Variants in AMD1 observed in about 807,000 individuals in gnomAD.
AMD1 encodes adenosylmethionine decarboxylase 1, also known as S-adenosylmethionine decarboxylase proenzyme.
A neutral mutation model predicts 40.2 loss-of-function variants in AMD1; 11 were observed. The ratio of observed to expected loss-of-function variants is 0.27; its 90% CI spans 0.17 to 0.45. AMD1 has a LOEUF of 0.45. AMD1 is among the 20% of genes least tolerant of loss of function. The pLI, the probability that AMD1 is intolerant of heterozygous loss-of-function variation, is 1.00. For missense variants in AMD1, 257 were observed against 410.2 expected, an observed-to-expected ratio of 0.63 and a Z score of 3.23; for synonymous variants, 121 against 130.8, an observed-to-expected ratio of 0.93 and a Z score of 0.51.
At chr6:110,841,819 T>A in the AMD1 span, among the ~76,000 whole-genome samples, 638 of 151,816 alleles carry the variant, frequency 4.2e-3, 6 homozygotes, top group African/African-American at 0.014. Context: ...TTATTTATTT[T>A]TTAGATGGAG....
chr6:110,830,993 T>C, the AMD1 span, among the ~76,000 whole-genome samples: 1 of 152,140 alleles, frequency 6.6e-6, no homozygotes, highest in Non-Finnish European at 1.5e-5. Context: ...TCTTGGAGAC[T>C]TAATGTTTCA....
At chr6:110,815,172 G>A in the AMD1 span, 3 of 1,553,396 alleles carry the variant, frequency 1.9e-6, no homozygotes, top group South Asian at 1.2e-5. Flanking sequence ...GGACGCGGGG[G>A]CCGCCGCCGC....
intron 4 of AMD1, chr6:110,891,715 T>A: frequency 1.1e-5 from 2 of 177,222 alleles, no homozygotes; most frequent in South Asian, 1.2e-4. Context: ...TCTGGGAATT[T>A]ACCTACTGTT....
the AMD1 span, among the ~76,000 whole-genome samples, chr6:110,848,207 G>A: frequency 6.6e-6 from 1 of 151,848 alleles, no homozygotes; most frequent in Admixed American, 6.6e-5. Context: ...TGTCTAATGT[G>A]ATAATAAAGA....
chr6:110,815,449 G>A, the AMD1 span: 1 of 236,196 alleles, frequency 4.2e-6, no homozygotes, highest in African/African-American at 2.3e-5. Flanking sequence ...TGGCTTCCTC[G>A]AGCTCATTAG....
chr6:110,831,048 G>A, the AMD1 span, among the ~76,000 whole-genome samples: 1 of 152,054 alleles, frequency 6.6e-6, no homozygotes, highest in African/African-American at 2.4e-5. Flanking sequence ...GTTTTGCTCT[G>A]TTATTTTCTC....
At chr6:110,818,653 G>A in the AMD1 span, among the ~76,000 whole-genome samples, 3 of 152,244 alleles carry the variant, frequency 2.0e-5, no homozygotes, top group Non-Finnish European at 4.4e-5. Context: ...TGATTCTCCT[G>A]TCTCAGCCTC....
At chr6:110,854,084 T>C in the AMD1 span, among the ~76,000 whole-genome samples, 1 of 152,158 alleles carries the variant, frequency 6.6e-6, no homozygotes, top group Non-Finnish European at 1.5e-5. Flanking sequence ...GTAGATGGCT[T>C]TTGGTTTTGG....
chr6:110,824,008 G>A, the AMD1 span, among the ~76,000 whole-genome samples: 1 of 152,126 alleles, frequency 6.6e-6, no homozygotes, highest in African/African-American at 2.4e-5. Flanking sequence ...AAACAGTATG[G>A]AGAATTCTCA....
At chr6:110,892,114 A>G (rs1008233573) in intron 4 of AMD1, 47 bp from the exon 5 acceptor site, 7 of 1,595,642 alleles carry the variant, frequency 4.4e-6, no homozygotes, top group Admixed American at 1.7e-5. Context: ...AAACCATCCT[A>G]TTAAATGGAT....
chr6:110,826,971 C>T, the AMD1 span, among the ~76,000 whole-genome samples: 6 of 152,236 alleles, frequency 3.9e-5, no homozygotes, highest in South Asian at 1.2e-3. Context: ...GGATTACAGG[C>T]CTGAGCCACT....
At chr6:110,843,294 T>A in the AMD1 span, among the ~76,000 whole-genome samples, 1 of 150,954 alleles carries the variant, frequency 6.6e-6, no homozygotes, top group Non-Finnish European at 1.5e-5. Flanking sequence ...GAAACCCACC[T>A]CTACTAAAAA....
chr6:110,822,165 C>T, the AMD1 span, among the ~76,000 whole-genome samples: 16 of 151,986 alleles, frequency 1.1e-4, no homozygotes, highest in Non-Finnish European at 2.2e-4. Context: ...GAGATCACAC[C>T]ACTACACTGT....
chr6:110,842,593 A>G, the AMD1 span, among the ~76,000 whole-genome samples: 4 of 152,186 alleles, frequency 2.6e-5, no homozygotes, highest in African/African-American at 9.6e-5. Context: ...TAATAGTAGT[A>G]GTAGTCGTTT....
chr6:110,883,758 A>AT lies in AMD1; in HGVS notation c.111-3733dup, dbSNP rs1309977819. Among the ~76,000 whole-genome samples, 668 of 146,232 alleles carry AT rather than the reference A, an allele frequency of 4.6e-3. 4 individuals carry two copies. Among genetic ancestry groups the AT allele is most frequent in the African/African-American group, 0.012 (468 of 40,056 alleles). On this transcript the variant is annotated intron_variant, in intron 1 of 8. Transcript: ENST00000368885. The stretch of plus-strand genomic sequence containing the variant: ...AGGTGCCCGCCACCATGCCCAGCTA[A>AT]TTTTTTTTTTTTTTATTTTTAGTAG...
chr6:110,833,231 A>G, the AMD1 span, among the ~76,000 whole-genome samples: 1 of 152,220 alleles, frequency 6.6e-6, no homozygotes, highest in Non-Finnish European at 1.5e-5. Context: ...TACTCCATAG[A>G]CATTCATAAT....
At chr6:110,862,426 C>G in the AMD1 span, among the ~76,000 whole-genome samples, 2 of 148,170 alleles carry the variant, frequency 1.3e-5, no homozygotes, top group Non-Finnish European at 3.0e-5. Context: ...CTACTTCCTG[C>G]ATTATTTCTG....
intron 1 of AMD1, among the ~76,000 whole-genome samples, chr6:110,880,950 C>T (rs552022641): frequency 2.0e-5 from 3 of 152,214 alleles, no homozygotes; most frequent in East Asian, 1.9e-4. Context: ...TTTAATCAGG[C>T]GACATAGAGA....
the AMD1 span, among the ~76,000 whole-genome samples, chr6:110,835,994 C>T: frequency 9.1e-6 from 1 of 109,526 alleles, no homozygotes; most frequent in Non-Finnish European, 1.7e-5. Flanking sequence ...GCCTGGGCAA[C>T]AGACCAAGAC....
Sources: gnomAD v4.1 joint callset for allele counts (sites outside exome capture counted in the v4.1 genomes callset) on GRCh38, gnomAD v4.1.1 for gene constraint, MANE v1.5 for transcripts, NCBI Gene and HGNC (gene_info 2026-07-23, HGNC 2026-07-21) for gene names.